PLD5: variants seen among roughly 807,000 people sequenced by gnomAD.
The protein encoded by PLD5 is inactive phospholipase D5.
In PLD5, 36 loss-of-function variants were observed where a neutral mutation model predicts 61.1. The observed-to-expected ratio is 0.59, with a 90% CI of 0.45 to 0.78. The LOEUF is 0.78. PLD5 is among the 30% of genes least tolerant of loss of function. The pLI is 0.00. For synonymous variants in PLD5, 243 were observed against 242.8 expected (o/e 1.00, Z -0.01); for missense variants, 515 against 644.4 (o/e 0.80, Z 2.17).
intron 8 of PLD5, among the ~76,000 whole-genome samples, chr1:242,106,326 C>T (rs377097625): frequency 1.3e-5 from 2 of 152,324 alleles, no homozygotes; most frequent in South Asian, 4.1e-4. Context: ...ATGCACATCA[C>T]TGGAAGACTC....
chr1:242,454,331 C>CAAAAAA (rs34186124), intron 1 of PLD5, among the ~76,000 whole-genome samples: 6 of 128,160 alleles, frequency 4.7e-5, no homozygotes, highest in African/African-American at 1.7e-4. Flanking sequence ...GACTCCGTGT[C>CAAAAAA]AAAAAAAAAA....
At chr1:242,330,860 C>T (rs557761140) in intron 2 of PLD5, among the ~76,000 whole-genome samples, 35 of 152,152 alleles carry the variant, frequency 2.3e-4, no homozygotes, top group Non-Finnish European at 4.3e-4. Context: ...TAGATGATCT[C>T]ATAGTTTTAC....
chr1:242,146,414 A>G (rs962481286), intron 5 of PLD5, among the ~76,000 whole-genome samples: 6 of 152,198 alleles, frequency 3.9e-5, no homozygotes, highest in Non-Finnish European at 7.4e-5. Context: ...TTGTTGATAC[A>G]TTATATTAGT....
In PLD5 at chr1:242,107,858, A is replaced by C. The variant is rs2148686445; in HGVS notation, c.1071-19T>G. 1.3e-6 allele frequency: 2 copies of C among 1,563,244 alleles called. No homozygotes were observed. Among genetic ancestry groups the C allele is most frequent in the Non-Finnish European group, 1.7e-6 (2 of 1,159,062 alleles). On this transcript the variant is annotated intron_variant, in intron 7 of 9. Transcript: ENST00000536534. Reference sequence around the variant, plus strand: ...GTAAGTCCTGCAGAAATCATATCCAAATAGAAAAAATAAACTAAGTTAGTT... The same window carrying C: ...GTAAGTCCTGCAGAAATCATATCCACATAGAAAAAATAAACTAAGTTAGTT...
intron 5 of PLD5, among the ~76,000 whole-genome samples, chr1:242,128,968 G>A (rs761169005): frequency 1.3e-5 from 2 of 152,178 alleles, no homozygotes; most frequent in African/African-American, 2.4e-5. Flanking sequence ...ACATAAAAAC[G>A]CTTCTGTAAC....
In PLD5 at chr1:242,114,431, TCTTC is replaced by T. The variant is rs147768434; in HGVS notation, c.934-409_934-406del. ...TTCTTTGTATTGGAAACATTCAATA[TCTTC>T]CTTCTAACTATTTGAAACTATCTAA... On this transcript the variant is annotated intron_variant, in intron 6 of 9. Transcript: ENST00000536534. 6.0e-3 allele frequency among the ~76,000 whole-genome samples: 908 copies of T among 152,308 alleles called. 11 individuals carry two copies. Among genetic ancestry groups the T allele is most frequent in the African/African-American group, 0.021 (855 of 41,570 alleles).
At chr1:242,391,011 G>A (rs904713294) in intron 1 of PLD5, among the ~76,000 whole-genome samples, 1 of 152,054 alleles carries the variant, frequency 6.6e-6, no homozygotes, top group Non-Finnish European at 1.5e-5. Context: ...CTAACATGGT[G>A]AAACCCTGTC....
At chr1:242,227,121 T>C (rs969255986) in intron 4 of PLD5, among the ~76,000 whole-genome samples, 1 of 152,174 alleles carries the variant, frequency 6.6e-6, no homozygotes, top group Non-Finnish European at 1.5e-5. Flanking sequence ...CCAAATCCCA[T>C]GTGGTAGAGT....
At chr1:242,427,853 A>G (rs1210232374) in intron 1 of PLD5, among the ~76,000 whole-genome samples, 1 of 152,130 alleles carries the variant, frequency 6.6e-6, no homozygotes, top group Non-Finnish European at 1.5e-5. Context: ...CCCCCATTTT[A>G]ATAGTCAGAT....
chr1:242,404,975 G>A (rs749643020), intron 1 of PLD5, among the ~76,000 whole-genome samples: 13 of 146,518 alleles, frequency 8.9e-5, no homozygotes, highest in South Asian at 4.4e-4. Flanking sequence ...CACCTCCCGG[G>A]TTCAAGCAAT....
Position 242,103,272 on chromosome 1 carries a change from C to T in PLD5, c.1240-2490G>A, listed in dbSNP as rs922704657. ...GTCACCCTTCCCCAGCGCACACCTG[C>T]AGAAAATGGCTAACCACACCTTGGA... On this transcript the variant is annotated intron_variant, in intron 8 of 9. Coordinates refer to ENST00000536534, the MANE Select transcript of PLD5 (RefSeq NM_001372062.1). 6.6e-5 allele frequency among the ~76,000 whole-genome samples: 10 copies of T among 152,318 alleles called. No homozygotes were observed. In the South Asian group the frequency reaches 1.9e-3, roughly 28 times the overall value.
At chr1:242,202,957 A>G (rs901634189) in intron 5 of PLD5, among the ~76,000 whole-genome samples, 1 of 152,142 alleles carries the variant, frequency 6.6e-6, no homozygotes, top group Non-Finnish European at 1.5e-5. Flanking sequence ...GACCGAATAT[A>G]CAAATGGAAA....
chr1:242,378,708 G>C (rs1180439766), intron 1 of PLD5, among the ~76,000 whole-genome samples: 2 of 152,074 alleles, frequency 1.3e-5, no homozygotes, highest in Middle Eastern at 3.2e-3. Context: ...GGGTGTGTTG[G>C]TGCATGCCTG....
Position 242,199,762 on chromosome 1 carries a change from C to A in PLD5, c.735+20226G>T, listed in dbSNP as rs576246452. Among the ~76,000 whole-genome samples the A allele has an allele frequency of 3.3e-5, 5 of 152,276 alleles. No individual in the cohort carries two copies. In the South Asian group the frequency reaches 8.3e-4, roughly 25 times the overall value. On this transcript the variant is annotated intron_variant, in intron 5 of 9. Transcript: ENST00000536534. ...CCTCCCACTTATGAGTGAGAACATG[C>A]GGTGTTTGTCTATCTGTGTCTGAGT...
At chr1:242,271,426 GA>G (rs1674076417) in intron 3 of PLD5, among the ~76,000 whole-genome samples, 1 of 151,988 alleles carries the variant, frequency 6.6e-6, no homozygotes, top group Admixed American at 6.6e-5. Context: ...AGGCAAATTT[GA>G]AAAAAACTTA....
At chr1:242,361,753 T>C (rs1327247403) in intron 1 of PLD5, among the ~76,000 whole-genome samples, 2 of 152,162 alleles carry the variant, frequency 1.3e-5, no homozygotes, top group Non-Finnish European at 2.9e-5. Flanking sequence ...AATACAGAAA[T>C]AGAGATATAT....
intron 1 of PLD5, among the ~76,000 whole-genome samples, chr1:242,376,542 C>T (rs1572009830): frequency 6.6e-6 from 1 of 152,250 alleles, no homozygotes; most frequent in East Asian, 1.9e-4. Flanking sequence ...CATTCAAAAT[C>T]CAAACATACA....
In PLD5 at chr1:242,085,750, A is replaced by C. The variant is rs1304358473; in HGVS notation, c.*4104T>G. ...GGACTGAGTTTGAATAAACAATAACAAAGTATCTTTCATTATAGGAAGTGG... is the reference window on the plus strand; with the variant it reads ...GGACTGAGTTTGAATAAACAATAACCAAGTATCTTTCATTATAGGAAGTGG... On this transcript the variant is annotated 3_prime_UTR_variant, in exon 10 of 10. Coordinates refer to ENST00000536534, the MANE Select transcript of PLD5 (RefSeq NM_001372062.1). 1.3e-5 allele frequency: 2 copies of C among 152,352 alleles called. No homozygotes were observed. Among genetic ancestry groups the C allele is most frequent in the East Asian group, 3.9e-4 (2 of 5,188 alleles). The allele number at this position is 152,352 out of a possible 1,614,324, so 9.4% of individuals were successfully genotyped here.
At chr1:242,351,247 G>A (rs1010677204) in intron 1 of PLD5, among the ~76,000 whole-genome samples, 25 of 152,120 alleles carry the variant, frequency 1.6e-4, no homozygotes, top group African/African-American at 4.8e-4. Context: ...CAAGCAAACA[G>A]CACAACCCTA....
Sources: allele counts gnomAD v4.1 joint callset (sites outside exome capture counted in the v4.1 genomes callset), GRCh38; gene constraint gnomAD v4.1.1; transcripts MANE v1.5; gene names NCBI Gene and HGNC (gene_info 2026-07-23, HGNC 2026-07-21).